Variants in IL23R observed in about 807,000 individuals in gnomAD.
The protein encoded by IL23R is interleukin 23 receptor, also known as interleukin-23 receptor.
A neutral mutation model predicts 56.9 loss-of-function variants in IL23R; 34 were observed. That is an observed-to-expected ratio of 0.60 (90% CI 0.45 to 0.80). IL23R has a LOEUF of 0.80. Ranked by LOEUF, IL23R falls within the 30% of genes least tolerant of loss-of-function variation. The pLI, the probability that IL23R is intolerant of heterozygous loss-of-function variation, is 0.00. For missense variants in IL23R, 635 were observed against 730.0 expected (o/e 0.87, Z 1.50); for synonymous variants, 230 against 249.2 (o/e 0.92, Z 0.73).
chr1:67,209,582 C>T (rs1649318530), intron 6 of IL23R, among the ~76,000 whole-genome samples: 1 of 152,084 alleles, frequency 6.6e-6, no homozygotes, highest in African/African-American at 2.4e-5. Context: ...CTTTCACCAC[C>T]CATCATCATT....
chr1:67,251,814 C>A (rs926196101), intron 9 of IL23R, among the ~76,000 whole-genome samples: 1 of 152,172 alleles, frequency 6.6e-6, no homozygotes, highest in African/African-American at 2.4e-5. Context: ...GGGTAGTCTC[C>A]ATTGTGCTTC....
downstream of IL23R, among the ~76,000 whole-genome samples, chr1:67,260,565 T>G (rs1456001884): frequency 6.6e-6 from 1 of 152,020 alleles, no homozygotes; most frequent in Admixed American, 6.6e-5. Flanking sequence ...ATGGCCACAA[T>G]CCATAAGGAC....
At chr1:67,242,048 A>G (rs1230923855) in intron 9 of IL23R, among the ~76,000 whole-genome samples, 1 of 152,230 alleles carries the variant, frequency 6.6e-6, no homozygotes, top group African/African-American at 2.4e-5. Flanking sequence ...TTGTGTAACC[A>G]TAGGCTTTAC....
At chr1:67,228,251 T>C (rs1375853433) in intron 7 of IL23R, among the ~76,000 whole-genome samples, 2 of 149,430 alleles carry the variant, frequency 1.3e-5, no homozygotes, top group Admixed American at 1.4e-4. Context: ...TGGAGTGCAG[T>C]GGTGTGATCT....
At position 67,220,953 on chromosome 1, in the gene IL23R, G is replaced by A. The variant is rs936952899; in HGVS notation, c.955+1223G>A. 7.2e-5 allele frequency among the ~76,000 whole-genome samples: 11 copies of A among 152,258 alleles called. No homozygotes were observed. The East Asian group carries it at 7.7e-4, about 11-fold the overall frequency. On this transcript the variant is annotated intron_variant, in intron 7 of 10. Coordinates refer to ENST00000347310, the MANE Select transcript of IL23R (RefSeq NM_144701.3). ...GGAGGTCGAGAATGCAGTGAGCCAC[G>A]TTCATGCCACTGAACTCTAGCCTGG...
chr1:67,150,671 A>G lies in IL23R; in HGVS notation c.-634+11510A>G, dbSNP rs1013361546. 1.6e-4 allele frequency among the ~76,000 whole-genome samples: 24 copies of G among 149,404 alleles called. 1 individual carries two copies. Among genetic ancestry groups the G allele is most frequent in the African/African-American group, 5.9e-4 (24 of 40,792 alleles). On this transcript the variant is annotated intron_variant, in intron 1 of 10. Coordinates refer to the IL23R transcript ENST00000637002. ...TTAAAGTAAAAAAAAAAAAAAAAAA[A>G]GGTTTGAAATGCCTGTTATCCAGAT...
chr1:67,252,422 TC>T (rs1264406186), intron 9 of IL23R, among the ~76,000 whole-genome samples: 2 of 152,156 alleles, frequency 1.3e-5, no homozygotes, highest in Non-Finnish European at 2.9e-5. Context: ...TCAAATCCAA[TC>T]CTGGACCCAG....
At chr1:67,192,909 C>T (rs549993134) in intron 4 of IL23R, among the ~76,000 whole-genome samples, 1 of 152,300 alleles carries the variant, frequency 6.6e-6, no homozygotes, top group South Asian at 2.1e-4. Context: ...TTCACATGCA[C>T]CTCAGGCCAT....
downstream of IL23R, among the ~76,000 whole-genome samples, chr1:67,260,757 C>A (rs571303655): frequency 2.6e-5 from 4 of 152,086 alleles, no homozygotes; most frequent in Non-Finnish European, 4.4e-5. Flanking sequence ...TAGAGTAGGG[C>A]ATGTAAATTC....
upstream of IL23R, among the ~76,000 whole-genome samples, chr1:67,164,608 G>A (rs1252873600): frequency 9.4e-5 from 14 of 148,504 alleles, no homozygotes; most frequent in Admixed American, 9.4e-4. Context: ...CTCCAGCCTG[G>A]GCAACAGAGC....
chr1:67,205,487 A>G (rs1202075963), intron 5 of IL23R, among the ~76,000 whole-genome samples: 1 of 152,236 alleles, frequency 6.6e-6, no homozygotes, highest in Non-Finnish European at 1.5e-5. Context: ...TATCAAAGTC[A>G]TAGGTTTTCA....
At chr1:67,224,040 A>G (rs1036217015) in intron 7 of IL23R, among the ~76,000 whole-genome samples, 10 of 152,168 alleles carry the variant, frequency 6.6e-5, no homozygotes, top group Non-Finnish European at 1.3e-4. Context: ...TTCACAAAAT[A>G]CTCATTTAGC....
chr1:67,162,507 T>C (rs1381828961), upstream of IL23R, among the ~76,000 whole-genome samples: 1 of 152,126 alleles, frequency 6.6e-6, no homozygotes, highest in East Asian at 1.9e-4. Context: ...TTCAAGAGGA[T>C]AGCCATAAGT....
chr1:67,201,229 C>A (rs1368842263), intron 5 of IL23R, among the ~76,000 whole-genome samples: 1 of 151,700 alleles, frequency 6.6e-6, no homozygotes, highest in Non-Finnish European at 1.5e-5. Flanking sequence ...ATGGTGAAAC[C>A]CTGTCTCTAC....
upstream of IL23R, among the ~76,000 whole-genome samples, chr1:67,163,255 G>A (rs555686487): frequency 7.9e-5 from 12 of 152,008 alleles, no homozygotes; most frequent in South Asian, 1.3e-3. Context: ...GATCACTTGA[G>A]ATTAGGAGTT....
chr1:67,207,029 A>G lies in IL23R; in HGVS notation c.772A>G (p.Lys258Glu), dbSNP rs763076695. ...IEKVSCEMRY[K>E]ATTNQTWNVK... is the part of the protein sequence containing the mutation. ...AAAGGTTTCCTGTGAAATGAGATAC[A>G]AGGCTACAACAAACCAAACTTGGAA... Residue 258 changes from lysine (K) to glutamate (E), a missense_variant, in exon 6 of 11, where the codon AAG (lysine) becomes GAG (glutamate). Lys to Glu is a moderately conservative substitution (Grantham distance 56). Transcript: ENST00000347310. The G allele has an allele frequency of 8.7e-6, 14 of 1,614,028 alleles. No homozygotes were observed. The highest frequency in any genetic ancestry group is 1.0e-5 in the Non-Finnish European group (12 of 1,179,968).
intron 10 of IL23R, 85 bp downstream of exon 10, chr1:67,256,012 AT>A: frequency 1.3e-6 from 1 of 793,486 alleles, no homozygotes; most frequent in Non-Finnish European, 2.2e-6. Context: ...TTCCATTCAA[AT>A]AAATAAATGT....
intron 10 of IL23R, among the ~76,000 whole-genome samples, chr1:67,257,748 G>C (rs1032317199): frequency 6.6e-6 from 1 of 152,114 alleles, no homozygotes; most frequent in Non-Finnish European, 1.5e-5. Flanking sequence ...CTGTCACCCA[G>C]GCTAGAGTGC....
At chr1:67,172,848 C>T (rs1646960112) in intron 3 of IL23R, among the ~76,000 whole-genome samples, 1 of 152,150 alleles carries the variant, frequency 6.6e-6, no homozygotes, top group Non-Finnish European at 1.5e-5. Flanking sequence ...GCATCTCTCT[C>T]CATTTTAATC....
Sources: gnomAD v4.1 joint callset for allele counts (sites outside exome capture counted in the v4.1 genomes callset) on GRCh38, gnomAD v4.1.1 for gene constraint, MANE v1.5 for transcripts, NCBI Gene and HGNC (gene_info 2026-07-23, HGNC 2026-07-21) for gene names.